PCNX2: variants seen among roughly 807,000 people sequenced by gnomAD.
PCNX2 encodes pecanex-like protein 2.
A neutral mutation model predicts 223.8 loss-of-function variants in PCNX2; 168 were observed. The observed-to-expected ratio is 0.75, with a 90% CI of 0.66 to 0.85. PCNX2 has a LOEUF of 0.85. Among genes scored for constraint, PCNX2 ranks in the 40% least tolerant of loss-of-function variants. The pLI, the probability that PCNX2 is intolerant of heterozygous loss-of-function variation, is 0.00. For missense variants in PCNX2, 2,507 were observed against 2,675.5 expected (o/e 0.94, Z 1.39); for synonymous variants, 1,006 against 1,052.6 (o/e 0.96, Z 0.86).
At chr1:233,007,807 T>G (rs1450090472) in intron 28 of PCNX2, among the ~76,000 whole-genome samples, 1 of 150,428 alleles carries the variant, frequency 6.6e-6, no homozygotes, top group African/African-American at 2.4e-5. Flanking sequence ...CCCTGAGCAG[T>G]TGGGATTACA....
the PCNX2 span, among the ~76,000 whole-genome samples, chr1:233,309,934 A>G: frequency 6.6e-6 from 1 of 152,158 alleles, no homozygotes; most frequent in South Asian, 2.1e-4. Flanking sequence ...AGAAACAACC[A>G]AAAGAAGGAT....
Position 233,293,863 on chromosome 1 carries a change from G to A in PCNX2, c.153+1463C>T, listed in dbSNP as rs991335581. 9 of 739,550 alleles carry A rather than the reference G, an allele frequency of 1.2e-5. No individual in the cohort carries two copies. In the Admixed American group the frequency reaches 5.0e-4, roughly 41 times the overall value. 45.8% of individuals were successfully genotyped at this position (739,550 alleles called of 1,614,324 possible). The stretch of plus-strand genomic sequence containing the variant: ...GCAGCAGAACCAGGATTTCACCCTG[G>A]TGAGGGCTGTGCTCCTCATGACTTT... On this transcript the variant is annotated intron_variant, in intron 1 of 33. Coordinates refer to ENST00000258229, the MANE Select transcript of PCNX2 (RefSeq NM_014801.4).
the PCNX2 span, among the ~76,000 whole-genome samples, chr1:233,318,140 G>T: frequency 6.6e-6 from 1 of 152,154 alleles, no homozygotes; most frequent in Non-Finnish European, 1.5e-5. Context: ...TTGGCACGGG[G>T]CCTGATATGG....
intron 32 of PCNX2, among the ~76,000 whole-genome samples, chr1:232,994,329 T>G (rs1013901452): frequency 1.3e-5 from 2 of 152,256 alleles, no homozygotes; most frequent in Non-Finnish European, 2.9e-5. Flanking sequence ...AGCTTTAAGA[T>G]TTAATGACTG....
intron 25 of PCNX2, chr1:233,032,033 C>T (rs1671285923): frequency 1.0e-6 from 1 of 983,100 alleles, no homozygotes; most frequent in Non-Finnish European, 1.2e-6. Flanking sequence ...GCTTGCTGTA[C>T]ATTAATAATA....
chr1:233,064,087 C>G (rs533390194), intron 23 of PCNX2, among the ~76,000 whole-genome samples: 6 of 151,724 alleles, frequency 4.0e-5, no homozygotes, highest in Non-Finnish European at 7.4e-5. Flanking sequence ...TTTGGAGAGT[C>G]GAAATCTGCT....
chr1:233,200,585 A>T (rs184643019), intron 13 of PCNX2, among the ~76,000 whole-genome samples: 1 of 152,022 alleles, frequency 6.6e-6, no homozygotes, highest in East Asian at 1.9e-4. Context: ...GATGAAAGGA[A>T]CGCACACAAG....
chr1:233,235,741 A>G (rs1186119097), intron 9 of PCNX2, among the ~76,000 whole-genome samples: 1 of 151,920 alleles, frequency 6.6e-6, no homozygotes, highest in African/African-American at 2.4e-5. Flanking sequence ...AGCTGGGACT[A>G]CAGGCACGTG....
intron 23 of PCNX2, chr1:233,057,986 AC>A (rs1672253903): frequency 1.0e-6 from 1 of 985,298 alleles, no homozygotes; most frequent in Non-Finnish European, 1.2e-6. Flanking sequence ...CAACGTCTCC[AC>A]CACCTGCTTT....
At chr1:233,195,207 T>TA (rs991699538) in intron 15 of PCNX2, among the ~76,000 whole-genome samples, 13 of 151,836 alleles carry the variant, frequency 8.6e-5, no homozygotes. Context: ...ACAATTGCTT[T>TA]AAAAAAAATC....
At chr1:233,109,263 G>A (rs1674979552) in intron 21 of PCNX2, among the ~76,000 whole-genome samples, 1 of 152,070 alleles carries the variant, frequency 6.6e-6, no homozygotes, top group African/African-American at 2.4e-5. Flanking sequence ...ACATCCAGCT[G>A]TCAACCAAAA....
chr1:233,179,272 A>G, intron 15 of PCNX2, 97 bp from the exon 16 acceptor site: 1 of 1,254,130 alleles, frequency 8.0e-7, no homozygotes. Context: ...GTCCAGCTGG[A>G]TGGATGAGTT....
intron 1 of PCNX2, among the ~76,000 whole-genome samples, chr1:233,282,616 TC>T (rs1661248056): frequency 6.6e-6 from 1 of 152,148 alleles, no homozygotes; most frequent in Non-Finnish European, 1.5e-5. Context: ...AATGAACTGA[TC>T]ATTAAATCCT....
intron 17 of PCNX2, among the ~76,000 whole-genome samples, chr1:233,165,880 T>C (rs898172626): frequency 6.6e-6 from 1 of 152,080 alleles, no homozygotes; most frequent in African/African-American, 2.4e-5. Context: ...AAAATGTACA[T>C]GGAAATGCAA....
chr1:233,209,434 C>T (rs1158535250), intron 12 of PCNX2, among the ~76,000 whole-genome samples: 1 of 152,050 alleles, frequency 6.6e-6, no homozygotes, highest in Non-Finnish European at 1.5e-5. Flanking sequence ...ATTTACATCT[C>T]ATAAATCAAT....
chr1:233,236,114 A>G (rs1348078295), intron 9 of PCNX2, among the ~76,000 whole-genome samples: 2 of 151,594 alleles, frequency 1.3e-5, no homozygotes, highest in East Asian at 3.9e-4. Flanking sequence ...TCTTCTCTCC[A>G]TCTGTACCAA....
At chr1:233,264,938 T>G (rs1487220968) in intron 1 of PCNX2, among the ~76,000 whole-genome samples, 1 of 152,106 alleles carries the variant, frequency 6.6e-6, no homozygotes, top group African/African-American at 2.4e-5. Flanking sequence ...AGATTATTGT[T>G]ATATAAAAAT....
At chr1:233,066,791 C>G (rs1672629097) in intron 23 of PCNX2, among the ~76,000 whole-genome samples, 1 of 152,172 alleles carries the variant, frequency 6.6e-6, no homozygotes, top group South Asian at 2.1e-4. Context: ...CCTTGCCAGG[C>G]AATAATGAGG....
chr1:233,247,877 C>CAAAAAA (rs57333423), intron 8 of PCNX2, among the ~76,000 whole-genome samples: 1 of 119,650 alleles, frequency 8.4e-6, no homozygotes. Context: ...AACTCCGTCT[C>CAAAAAA]AAAAAAAAAA....
Sources: allele counts gnomAD v4.1 joint callset (sites outside exome capture counted in the v4.1 genomes callset), GRCh38; gene constraint gnomAD v4.1.1; transcripts MANE v1.5; gene names NCBI Gene and HGNC (gene_info 2026-07-23, HGNC 2026-07-21).